Variants in DCAF12 observed in about 807,000 individuals in gnomAD.
The protein encoded by DCAF12 is DDB1 and CUL4 associated factor 12, also known as DDB1- and CUL4-associated factor 12.
Under a neutral mutation model 52.8 loss-of-function variants are expected in DCAF12, and 28 were observed. The ratio of observed to expected loss-of-function variants is 0.53; its 90% CI spans 0.39 to 0.73. DCAF12 has a LOEUF of 0.73. DCAF12 is among the 30% of genes least tolerant of loss of function. The probability of loss-of-function intolerance (pLI) is 0.00; values close to 1 mark genes in which losing one functional copy is unlikely to be tolerated. For synonymous variants in DCAF12, 196 were observed against 215.5 expected, an observed-to-expected ratio of 0.91 and a Z score of 0.79; for missense variants, 425 against 552.2, an observed-to-expected ratio of 0.77 and a Z score of 2.31.
intron 2 of DCAF12, among the ~76,000 whole-genome samples, chr9:34,118,477 G>A (rs1829120376): frequency 6.6e-6 from 1 of 152,138 alleles, no homozygotes; most frequent in Non-Finnish European, 1.5e-5. Flanking sequence ...CAGTTAACGT[G>A]TAAGTTATTC....
chr9:34,111,704 C>T (rs543738744), intron 2 of DCAF12, among the ~76,000 whole-genome samples: 1 of 152,140 alleles, frequency 6.6e-6, no homozygotes, highest in Non-Finnish European at 1.5e-5. Context: ...AGTTTCAGGA[C>T]AATCAGTCCA....
chr9:34,114,420 A>C (rs755527374), intron 2 of DCAF12, among the ~76,000 whole-genome samples: 5 of 152,162 alleles, frequency 3.3e-5, no homozygotes, highest in Non-Finnish European at 5.9e-5. Flanking sequence ...AAAATTAGCT[A>C]AACTAAGAGT....
chr9:34,094,936 T>A (rs1828712161), intron 6 of DCAF12, among the ~76,000 whole-genome samples: 1 of 152,062 alleles, frequency 6.6e-6, no homozygotes, highest in African/African-American at 2.4e-5. Flanking sequence ...ACACATAGAG[T>A]GAAGGTAATT....
chr9:34,087,382 C>G lies in DCAF12; in HGVS notation c.*968G>C, dbSNP rs1828574949. On this transcript the variant is annotated 3_prime_UTR_variant, in exon 9 of 9. Coordinates refer to ENST00000361264, the MANE Select transcript of DCAF12 (RefSeq NM_015397.4). ...AGCCATGGGGGCTATGGATGTGAAT[C>G]TTAGCAGACTTGAGACTCCCAGCTC... The G allele has an allele frequency of 6.6e-6, 1 of 152,224 alleles. No individual in the cohort carries two copies. Among genetic ancestry groups the G allele is most frequent in the African/African-American group, 2.4e-5 (1 of 41,444 alleles). 9.4% of individuals were successfully genotyped at this position (152,224 alleles called of 1,614,324 possible).
At chr9:34,106,564 C>T in intron 3 of DCAF12, 70 bp from the exon 4 acceptor site, 3 of 1,301,936 alleles carry the variant, frequency 2.3e-6, no homozygotes, top group Non-Finnish European at 3.3e-6. Context: ...TTGTAATAAA[C>T]TCTCTAAAGA....
intron 3 of DCAF12, 137 bp downstream of exon 3, chr9:34,107,222 C>A: frequency 1.3e-6 from 1 of 798,028 alleles, no homozygotes; most frequent in East Asian, 2.6e-5. Flanking sequence ...TGCTGCTTGC[C>A]CCTTTATCAA....
At chr9:34,102,686 A>C (rs1486753650) in intron 4 of DCAF12, among the ~76,000 whole-genome samples, 1 of 152,076 alleles carries the variant, frequency 6.6e-6, no homozygotes, top group East Asian at 1.9e-4. Context: ...AAAAAACAAG[A>C]ACACTTTTCT....
chr9:34,098,021 T>C (rs1828764487), intron 5 of DCAF12, among the ~76,000 whole-genome samples: 2 of 150,592 alleles, frequency 1.3e-5, no homozygotes, highest in Admixed American at 6.6e-5. Context: ...ATGCCCAGAA[T>C]ACAGCACCTG....
intron 2 of DCAF12, among the ~76,000 whole-genome samples, chr9:34,108,701 G>A (rs942489499): frequency 5.3e-5 from 8 of 151,546 alleles, no homozygotes; most frequent in Non-Finnish European, 7.4e-5. Context: ...CAGAAGAATC[G>A]CTTGAACCGA....
intron 7 of DCAF12, among the ~76,000 whole-genome samples, chr9:34,092,603 T>C (rs531018673): frequency 1.3e-5 from 2 of 151,876 alleles, no homozygotes; most frequent in African/African-American, 4.8e-5. Context: ...GGAGAATCAC[T>C]TGAACTCAGA....
At chr9:34,125,421 A>C in intron 1 of DCAF12, 144 bp from the exon 2 acceptor site, 44 of 990,362 alleles carry the variant, frequency 4.4e-5, no homozygotes, top group Non-Finnish European at 6.3e-5. Flanking sequence ...CAAGAATCTC[A>C]ATCCAGAAAG....
At chr9:34,095,377 T>TTC (rs1828719986) in intron 6 of DCAF12, among the ~76,000 whole-genome samples, 1 of 62,922 alleles carries the variant, frequency 1.6e-5, no homozygotes, top group Non-Finnish European at 4.1e-5. Context: ...CAGGCCTTTT[T>TTC]TTTTTTTTTT....
At chr9:34,099,155 C>CAT in intron 4 of DCAF12, among the ~76,000 whole-genome samples, 1 of 151,314 alleles carries the variant, frequency 6.6e-6, no homozygotes. Context: ...GCAACCTCGG[C>CAT]CTCCTGGGTT....
chr9:34,110,040 TATA>T (rs981000562), intron 2 of DCAF12: 2 of 145,636 alleles, frequency 1.4e-5, no homozygotes, highest in Non-Finnish European at 1.5e-5. Context: ...TATATTTAAA[TATA>T]TATAATATAT....
intron 2 of DCAF12, among the ~76,000 whole-genome samples, chr9:34,117,891 G>A (rs958302812): frequency 6.6e-6 from 1 of 152,122 alleles, no homozygotes; most frequent in Non-Finnish European, 1.5e-5. Flanking sequence ...TCCAGCCTGG[G>A]CAACAAGAGC....
chr9:34,098,165 G>A (rs1436755983), intron 5 of DCAF12, among the ~76,000 whole-genome samples, 159 bp downstream of exon 5: 1 of 152,168 alleles, frequency 6.6e-6, no homozygotes, highest in African/African-American at 2.4e-5. Flanking sequence ...CAGAGCCTCA[G>A]TTATAATTTC....
chr9:34,102,012 C>A (rs868813413), intron 4 of DCAF12, among the ~76,000 whole-genome samples: 2 of 127,440 alleles, frequency 1.6e-5, no homozygotes, highest in Admixed American at 8.1e-5. Flanking sequence ...GAGACCCTGT[C>A]GCAAAAAAAA....
chr9:34,104,067 G>A (rs1828869799), intron 4 of DCAF12, among the ~76,000 whole-genome samples: 1 of 152,022 alleles, frequency 6.6e-6, no homozygotes, highest in African/African-American at 2.4e-5. Context: ...TCAGGAGTTT[G>A]AGACCAGCCT....
intron 5 of DCAF12, 112 bp downstream of exon 5, chr9:34,098,211 TG>T: frequency 1.8e-6 from 2 of 1,135,490 alleles, no homozygotes; most frequent in Non-Finnish European, 2.5e-6. Flanking sequence ...AGGTGTTCTG[TG>T]GGCTCAGAAC....
Sources: gnomAD v4.1 joint callset for allele counts (sites outside exome capture counted in the v4.1 genomes callset) on GRCh38, gnomAD v4.1.1 for gene constraint, MANE v1.5 for transcripts, NCBI Gene and HGNC (gene_info 2026-07-23, HGNC 2026-07-21) for gene names.